The following DLGAP1 variants were observed in gnomAD, a reference collection of about 807,000 sequenced individuals.
The protein encoded by DLGAP1 is disks large-associated protein 1.
Under a neutral mutation model 90.8 loss-of-function variants are expected in DLGAP1, and 11 were observed. The ratio of observed to expected loss-of-function variants is 0.12; its 90% confidence interval spans 0.08 to 0.20. The LOEUF (loss-of-function observed/expected upper bound fraction) is 0.20. Ranked by LOEUF, DLGAP1 falls within the 10% of genes least tolerant of loss-of-function variation. The pLI is 1.00. For missense variants in DLGAP1, 1,050 were observed against 1,333.8 expected, an observed-to-expected ratio of 0.79 and a Z score of 3.31; for synonymous variants, 558 against 540.7, an observed-to-expected ratio of 1.03 and a Z score of -0.44.
chr18:3,943,441 G>A (rs996542553), intron 3 of DLGAP1, among the ~76,000 whole-genome samples: 4 of 129,464 alleles, frequency 3.1e-5, no homozygotes, highest in Admixed American at 9.4e-5. Context: ...TATCTACTGT[G>A]AAAGAGAGGG....
At chr18:4,200,208 A>G (rs1295404183) in intron 1 of DLGAP1, among the ~76,000 whole-genome samples, 1 of 152,018 alleles carries the variant, frequency 6.6e-6, no homozygotes, top group Admixed American at 6.6e-5. Flanking sequence ...TGAAATTTTT[A>G]TTAGGATTTT....
At chr18:4,158,937 C>T (rs564239214) in intron 1 of DLGAP1, among the ~76,000 whole-genome samples, 19 of 152,018 alleles carry the variant, frequency 1.2e-4, no homozygotes, top group Admixed American at 4.6e-4. Context: ...ATCAGTCATA[C>T]CTCAATAAAG....
intron 5 of DLGAP1, among the ~76,000 whole-genome samples, chr18:3,798,211 G>A (rs1209562080): frequency 6.6e-6 from 1 of 152,176 alleles, no homozygotes; most frequent in Non-Finnish European, 1.5e-5. Context: ...CCAAACCCGA[G>A]GTTAATCATT....
At chr18:3,681,778 C>T (rs2060521661) in intron 7 of DLGAP1, among the ~76,000 whole-genome samples, 1 of 152,068 alleles carries the variant, frequency 6.6e-6, no homozygotes, top group Non-Finnish European at 1.5e-5. Flanking sequence ...TTAGCACTAT[C>T]CCTTCTTGAT....
chr18:3,572,837 C>G (rs1261846655), intron 8 of DLGAP1, among the ~76,000 whole-genome samples: 1 of 152,190 alleles, frequency 6.6e-6, no homozygotes, highest in Non-Finnish European at 1.5e-5. Context: ...TTTTTACTAT[C>G]TATCTGATAC....
chr18:4,013,165 G>A (rs1248442123), intron 2 of DLGAP1, among the ~76,000 whole-genome samples: 3 of 152,168 alleles, frequency 2.0e-5, no homozygotes, highest in Non-Finnish European at 2.9e-5. Context: ...TAGCCCTAGT[G>A]TGTCTTGTGC....
At chr18:4,400,603 G>A (rs1234035592) in intron 1 of DLGAP1, among the ~76,000 whole-genome samples, 1 of 152,116 alleles carries the variant, frequency 6.6e-6, no homozygotes, top group Non-Finnish European at 1.5e-5. Flanking sequence ...TGGGGCTCTC[G>A]GGGGAGCAAC....
chr18:4,376,659 G>A (rs1567872265), intron 1 of DLGAP1, among the ~76,000 whole-genome samples: 1 of 152,156 alleles, frequency 6.6e-6, no homozygotes, highest in African/African-American at 2.4e-5. Context: ...AGTCTTAAAA[G>A]AACAGTCTTG....
chr18:3,805,795 A>G (rs887849005), intron 5 of DLGAP1, among the ~76,000 whole-genome samples: 3 of 152,250 alleles, frequency 2.0e-5, no homozygotes, highest in African/African-American at 7.2e-5. Context: ...TCAGAGGAAT[A>G]TAACTCAGCT....
chr18:3,778,984 A>G (rs1037765423), intron 5 of DLGAP1, among the ~76,000 whole-genome samples: 1 of 152,116 alleles, frequency 6.6e-6, no homozygotes, highest in African/African-American at 2.4e-5. Context: ...CTCACCCTCC[A>G]TATCATATTA....
intron 7 of DLGAP1, among the ~76,000 whole-genome samples, chr18:3,632,452 C>A (rs1314631183): frequency 6.6e-6 from 1 of 152,094 alleles, no homozygotes; most frequent in Non-Finnish European, 1.5e-5. Context: ...CAGACTCACG[C>A]CACCAGGCCC....
intron 7 of DLGAP1, chr18:3,708,246 A>T: frequency 2.8e-6 from 1 of 362,938 alleles, no homozygotes; most frequent in Non-Finnish European, 5.5e-6. Flanking sequence ...ACTTCAAGTG[A>T]TCCACCTGCC....
At chr18:3,772,346 CTCTT>C (rs869167707) in intron 5 of DLGAP1, among the ~76,000 whole-genome samples, 379 of 14,210 alleles carry the variant, frequency 0.027, 4 homozygotes, top group Non-Finnish European at 0.037. Context: ...CTCTCTCTCT[CTCTT>C]TCTTTCTTTC....
At position 3,835,827 on chromosome 18, in the gene DLGAP1, A is replaced by G. The variant is rs77543915; in HGVS notation, c.958-21554T>C. The stretch of plus-strand genomic sequence containing the variant: ...GAAAGTTTCCAATAATAGCATAGGA[A>G]GATTTTTCTCTCCCTTCTCCCTTCC... On this transcript the variant is annotated intron_variant, in intron 4 of 12. Coordinates refer to ENST00000315677, the MANE Select transcript of DLGAP1 (RefSeq NM_004746.4). 8.5e-3 allele frequency among the ~76,000 whole-genome samples: 1,299 copies of G among 152,260 alleles called. 13 individuals are homozygous for G. Among genetic ancestry groups the G allele is most frequent in the African/African-American group, 0.028 (1,155 of 41,548 alleles).
intron 1 of DLGAP1, among the ~76,000 whole-genome samples, chr18:4,181,011 C>T (rs2077198448): frequency 6.6e-6 from 1 of 152,028 alleles, no homozygotes; most frequent in South Asian, 2.1e-4. Flanking sequence ...TGGGTTTGAG[C>T]AAAAATAAAA....
At chr18:4,006,104 A>G (rs2074295854) in intron 2 of DLGAP1, among the ~76,000 whole-genome samples, 1 of 152,210 alleles carries the variant, frequency 6.6e-6, no homozygotes, top group Admixed American at 6.5e-5. Flanking sequence ...GCTTTCTGTA[A>G]GTATTAGTTC....
chr18:3,732,848 C>T (rs977698397), intron 6 of DLGAP1, among the ~76,000 whole-genome samples: 1 of 152,064 alleles, frequency 6.6e-6, no homozygotes. Flanking sequence ...ATTACAAGAA[C>T]ACAATCTGGG....
intron 1 of DLGAP1, among the ~76,000 whole-genome samples, chr18:4,192,791 T>C (rs1454870349): frequency 6.6e-6 from 1 of 152,110 alleles, no homozygotes; most frequent in Non-Finnish European, 1.5e-5. Context: ...GTTAGAGCTG[T>C]AAGGAGATGC....
chr18:4,037,193 G>T (rs1240634120), intron 2 of DLGAP1, among the ~76,000 whole-genome samples: 1 of 152,150 alleles, frequency 6.6e-6, no homozygotes, highest in Admixed American at 6.5e-5. Flanking sequence ...GCATAAGAAG[G>T]ATAAAGAACA....
Sources: allele counts gnomAD v4.1 joint callset (sites outside exome capture counted in the v4.1 genomes callset), GRCh38; gene constraint gnomAD v4.1.1; transcripts MANE v1.5; gene names NCBI Gene and HGNC (gene_info 2026-07-23, HGNC 2026-07-21).